AHNAK: variants seen among roughly 807,000 people sequenced by gnomAD.
The protein encoded by AHNAK is neuroblast differentiation-associated protein AHNAK.
Under a neutral mutation model 37.8 loss-of-function variants are expected in AHNAK, and 23 were observed. The ratio of observed to expected loss-of-function variants is 0.61; its 90% CI spans 0.44 to 0.86. The LOEUF is 0.86. Among genes scored for constraint, AHNAK ranks in the 40% least tolerant of loss-of-function variants. AHNAK has a pLI of 0.00. For missense variants in AHNAK, 7,411 were observed against 7,319.4 expected, an observed-to-expected ratio of 1.01 and a Z score of -0.46; for synonymous variants, 2,481 against 2,636.3, an observed-to-expected ratio of 0.94 and a Z score of 1.80.
intron 4 of AHNAK, among the ~76,000 whole-genome samples, chr11:62,492,928 C>T (rs1218212336): frequency 1.5e-5 from 2 of 133,870 alleles, no homozygotes; most frequent in Admixed American, 7.0e-5. Flanking sequence ...CCAAAGGTTA[C>T]ATGAAAGGAT....
At chr11:62,491,204 T>C (rs749479531) in intron 5 of AHNAK, among the ~76,000 whole-genome samples, 22 of 152,188 alleles carry the variant, frequency 1.4e-4, no homozygotes, top group Non-Finnish European at 1.3e-4. Flanking sequence ...TAGCTCCCTA[T>C]GACCCAGGAT....
chr11:62,455,977 T>C (rs1468748231), intron 5 of AHNAK, among the ~76,000 whole-genome samples: 3 of 151,960 alleles, frequency 2.0e-5, no homozygotes, highest in Non-Finnish European at 4.4e-5. Context: ...AGGCGTAAGT[T>C]GCAGTGAGCC....
In AHNAK at chr11:62,524,970, C is replaced by G; in HGVS notation, c.9447G>C (p.Lys3149Asn). ...VDVQGPDWHL[K>N]MPKIKMPKIS... ...TCTTGGGCATTTTTATTTTAGGCAT[C>G]TTCAGGTGCCAGTCTGGGCCTTGAA... The change falls in exon 5 of 5, where the codon AAG (lysine) becomes AAC (asparagine). Residue 3149 changes from lysine to asparagine, a missense_variant. By Grantham distance (94) the Lys-to-Asn change is moderately conservative. Transcript: ENST00000378024. 2 of 1,612,526 alleles carry G rather than the reference C, an allele frequency of 1.2e-6. No homozygotes were observed. The highest frequency in any genetic ancestry group is 1.7e-6 in the Non-Finnish European group (2 of 1,179,574).
At position 62,516,363 on chromosome 11, in the gene AHNAK, T is replaced by G. The variant is rs1479645225; in HGVS notation, c.*381A>C. On this transcript the variant is annotated 3_prime_UTR_variant, in exon 5 of 5. Transcript: ENST00000378024. ...CCCTTACTAACAAAAGCCCCCAAAG[T>G]CATTACAATGAAAAAGTGGGTTTCC... 2 of 1,272,286 alleles carry G rather than the reference T, an allele frequency of 1.6e-6. No homozygotes were observed. The highest frequency in any genetic ancestry group is 5.6e-5 in the East Asian group (1 of 17,810). 78.8% of individuals were successfully genotyped at this position (1,272,286 alleles called of 1,614,324 possible). A position where few individuals can be genotyped will look rare whatever the true frequency, so the allele number is the denominator to read the frequency against.
At chr11:62,501,366 A>C (rs1939708835) in intron 4 of AHNAK, among the ~76,000 whole-genome samples, 2 of 152,220 alleles carry the variant, frequency 1.3e-5, no homozygotes, top group Admixed American at 1.3e-4. Flanking sequence ...CAGGAGATTG[A>C]GACCATCCTG....
Position 62,520,140 on chromosome 11 carries a change from G to A in AHNAK, c.14277C>T (p.Gly4759=). The A allele has an allele frequency of 1.2e-6, 2 of 1,613,010 alleles. No homozygotes were observed. Among genetic ancestry groups the A allele is most frequent in the Non-Finnish European group, 1.7e-6 (2 of 1,179,874 alleles). The change falls in exon 5 of 5, where the codon GGC becomes GGT. Residue 4759 remains glycine (G), a synonymous_variant. Transcript: ENST00000378024. ...CAGGGGTGTTGATGTCCACTTTTGG[G>A]CCCTTGATGTCAGCTTCTGGGCCCT... ...DLKGPEADIK[G]PKVDINTPDV...
intron 5 of AHNAK, among the ~76,000 whole-genome samples, chr11:62,484,092 GATGGCTGGGTGCA>G (rs1175487858): frequency 6.6e-6 from 1 of 151,368 alleles, no homozygotes; most frequent in African/African-American, 2.4e-5. Context: ...CAAAAGAAGG[GATGGCTGGGTGCA>G]ATGGCTCACA....
rs752362011 is a variant in AHNAK at position 62,516,822 on chromosome 11, AGAG to A, written c.17592_17594del (p.Ser5867del). On this transcript the variant is annotated inframe_deletion, in exon 5 of 5. Transcript: ENST00000378024. ...CCTTATTCCCACTGTCATTGCTAGA[AGAG>A]GAGGACAGTCGGGACTTCTTAGAGG... 3.1e-6 allele frequency: 5 copies of A among 1,614,150 alleles called. No homozygotes were observed. Among genetic ancestry groups the A allele is most frequent in the East Asian group, 2.2e-5 (1 of 44,882 alleles).
chr11:62,537,928 C>T (rs960399402), intron 1 of AHNAK, among the ~76,000 whole-genome samples: 2 of 152,084 alleles, frequency 1.3e-5, no homozygotes, highest in East Asian at 1.9e-4. Context: ...GTGATCCACC[C>T]GCCTTGGCCT....
At chr11:62,447,308 T>G (rs1187030525) in intron 5 of AHNAK, among the ~76,000 whole-genome samples, 1 of 152,178 alleles carries the variant, frequency 6.6e-6, no homozygotes, top group East Asian at 1.9e-4. Context: ...GCACAGCCCC[T>G]GGTCCAAAGC....
At chr11:62,435,934 C>A (rs1433386129) in intron 5 of AHNAK, among the ~76,000 whole-genome samples, 1 of 152,206 alleles carries the variant, frequency 6.6e-6, no homozygotes, top group Non-Finnish European at 1.5e-5. Flanking sequence ...GCATTTAACT[C>A]TCACAGTGAG....
At chr11:62,450,932 G>A (rs1485885559) in intron 5 of AHNAK, among the ~76,000 whole-genome samples, 5 of 152,248 alleles carry the variant, frequency 3.3e-5, no homozygotes, top group African/African-American at 9.6e-5. Flanking sequence ...GAGGCTGGAC[G>A]TGGTGGCTCA....
At chr11:62,534,199 C>T in intron 4 of AHNAK, 125 bp from the exon 5 acceptor site, 1 of 946,362 alleles carries the variant, frequency 1.1e-6, no homozygotes, top group Non-Finnish European at 1.5e-6. Flanking sequence ...AACAGAGGTC[C>T]ATGGAGCCTC....
chr11:62,439,626 A>T (rs551405237), intron 5 of AHNAK, among the ~76,000 whole-genome samples: 1 of 148,076 alleles, frequency 6.8e-6, no homozygotes, highest in South Asian at 2.1e-4. Flanking sequence ...GCATGTGTGC[A>T]TCTGTCTTTC....
chr11:62,459,181 T>G (rs1187367778), intron 5 of AHNAK, among the ~76,000 whole-genome samples: 4 of 152,190 alleles, frequency 2.6e-5, no homozygotes, highest in Non-Finnish European at 5.9e-5. Flanking sequence ...GGTAGTGGAA[T>G]GCACCACAAA....
chr11:62,529,178 T>C lies in AHNAK; in HGVS notation c.5239A>G (p.Ser1747Gly), dbSNP rs772606272. The C allele has an allele frequency of 6.2e-7, 1 of 1,614,222 alleles. No individual in the cohort carries two copies. The highest frequency in any genetic ancestry group is 8.5e-7 in the Non-Finnish European group (1 of 1,180,034). The change falls in exon 5 of 5, where the codon AGT (serine) becomes GGT (glycine). Residue 1747 changes from serine (S) to glycine (G), a missense_variant. Physicochemically the swap from Ser to Gly is moderately conservative, Grantham distance 56. Transcript: ENST00000378024. The stretch of plus-strand genomic sequence containing the variant: ...AAATCAGGAGCATCAGTGTCCACAC[T>C]GGGTCCAGACACATCAATGTCAGCC... ...PKADIDVSGP[S>G]VDTDAPDLDI...
At position 62,532,930 on chromosome 11, in the gene AHNAK, T is replaced by C. The variant is rs1195540364; in HGVS notation, c.1487A>G (p.Gln496Arg). 2 of 1,614,174 alleles carry C rather than the reference T, an allele frequency of 1.2e-6. No individual in the cohort carries two copies. Among genetic ancestry groups the C allele is most frequent in the East Asian group, 2.2e-5 (1 of 44,890 alleles). Residue 496 changes from glutamine (Q) to arginine (R), a missense_variant, in exon 5 of 5, where the codon CAG becomes CGG. Physicochemically the swap from Gln to Arg is conservative, Grantham distance 43. Transcript: ENST00000378024. ...TKVKTPEMIIQKPKISMQDVD... is the reference protein window; with the variant it reads ...TKVKTPEMIIRKPKISMQDVD... ...ATCCTGCATGGAGATTTTAGGTTTCTGAATAATCATTTCAGGAGTCTTCAC... is the reference window on the plus strand; with the variant it reads ...ATCCTGCATGGAGATTTTAGGTTTCCGAATAATCATTTCAGGAGTCTTCAC...
At chr11:62,443,628 GC>G (rs1286698944) in intron 5 of AHNAK, among the ~76,000 whole-genome samples, 1 of 152,058 alleles carries the variant, frequency 6.6e-6, no homozygotes, top group Non-Finnish European at 1.5e-5. Flanking sequence ...GGGCTGTGCA[GC>G]CCCTCACTCA....
intron 5 of AHNAK, among the ~76,000 whole-genome samples, chr11:62,456,494 C>T (rs1938661258): frequency 1.3e-5 from 2 of 152,182 alleles, no homozygotes; most frequent in African/African-American, 4.8e-5. Flanking sequence ...TAATAACTTG[C>T]CCAAGAGCAC....
Sources: allele counts gnomAD v4.1 joint callset (sites outside exome capture counted in the v4.1 genomes callset), GRCh38; gene constraint gnomAD v4.1.1; transcripts MANE v1.5; gene names NCBI Gene and HGNC (gene_info 2026-07-23, HGNC 2026-07-21).